Variants in PCDH15 observed in about 807,000 individuals in gnomAD.
PCDH15 encodes protocadherin related 15.
A neutral mutation model predicts 178.5 loss-of-function variants in PCDH15; 129 were observed. The ratio of observed to expected loss-of-function variants is 0.72; its 90% CI spans 0.63 to 0.84. The LOEUF is 0.84. PCDH15 is among the 40% of genes least tolerant of loss of function. The pLI, the probability that PCDH15 is intolerant of heterozygous loss-of-function variation, is 0.00. For synonymous variants in PCDH15, 800 were observed against 732.0 expected (o/e 1.09, Z -1.50); for missense variants, 2,230 against 2,099.9 (o/e 1.06, Z -1.21).
chr10:55,074,379 T>A (rs1480433116), intron 2 of PCDH15, among the ~76,000 whole-genome samples: 1 of 152,124 alleles, frequency 6.6e-6, no homozygotes, highest in African/African-American at 2.4e-5. Flanking sequence ...CATCAGTTGT[T>A]TCTTGAGCTT....
chr10:53,905,670 A>G lies in PCDH15; in HGVS notation c.3374-2300T>C, dbSNP rs570200184. 2.0e-5 allele frequency among the ~76,000 whole-genome samples: 3 copies of G among 152,092 alleles called. No individual in the cohort carries two copies. The South Asian group carries it at 6.2e-4, about 32-fold the overall frequency. ...TTAAAAATACCATGTGTATATTCAT[A>G]TCCATACTTATATGTATACTTTGTG... On this transcript the variant is annotated intron_variant, in intron 25 of 37. Transcript: ENST00000644397.
At chr10:55,081,370 C>T (rs1842038277) in intron 2 of PCDH15, among the ~76,000 whole-genome samples, 1 of 152,162 alleles carries the variant, frequency 6.6e-6, no homozygotes, top group Admixed American at 6.5e-5. Context: ...ATGCTAATCT[C>T]ATTTATGAAG....
intron 2 of PCDH15, among the ~76,000 whole-genome samples, chr10:55,002,193 G>T (rs1057505647): frequency 6.6e-6 from 1 of 152,048 alleles, no homozygotes; most frequent in African/African-American, 2.4e-5. Context: ...TTGTTTCGCT[G>T]CATAGTCTTA....
At chr10:55,461,720 C>A (rs926168596) in intron 2 of PCDH15, among the ~76,000 whole-genome samples, 5 of 151,866 alleles carry the variant, frequency 3.3e-5, no homozygotes, top group African/African-American at 4.8e-5. Flanking sequence ...TAATGATAAC[C>A]GAGGTTGTTA....
At chr10:55,196,680 G>T (rs1426945497) in intron 1 of PCDH15, among the ~76,000 whole-genome samples, 2 of 152,074 alleles carry the variant, frequency 1.3e-5, no homozygotes, top group South Asian at 2.1e-4. Flanking sequence ...TTCATTAATG[G>T]TAATCGCTTG....
intron 3 of PCDH15, among the ~76,000 whole-genome samples, chr10:54,503,436 G>C (rs887936505): frequency 6.6e-6 from 1 of 150,988 alleles, no homozygotes; most frequent in African/African-American, 2.4e-5. Flanking sequence ...GGTAGTTGCT[G>C]TGCTGAGCAA....
At chr10:53,821,799 T>TTCAACTTGAAGACTATGATCAACAAGAG (rs2076284631) in intron 32 of PCDH15, 1 of 1,602,228 alleles carries the variant, frequency 6.2e-7, no homozygotes, top group South Asian at 1.1e-5. Flanking sequence ...AAATTTGATG[T>TTCAACTTGAAGACTATGATCAACAAGAG]TCAACTTGAA....
At chr10:55,455,673 T>G (rs534384122) in intron 2 of PCDH15, among the ~76,000 whole-genome samples, 47 of 152,266 alleles carry the variant, frequency 3.1e-4, no homozygotes, top group Non-Finnish European at 4.7e-4. Flanking sequence ...ATACTCTAAT[T>G]CACTGAGCAT....
At chr10:54,404,069 T>C (rs7903240) in intron 3 of PCDH15, among the ~76,000 whole-genome samples, 132,627 of 151,966 alleles carry the variant, frequency 0.87, 57,988 homozygotes, top group East Asian at 0.98. Flanking sequence ...CAATGTTATT[T>C]CTATTAAACT....
intron 8 of PCDH15, among the ~76,000 whole-genome samples, chr10:54,281,757 G>T (rs1022193739): frequency 6.6e-6 from 1 of 151,974 alleles, no homozygotes; most frequent in Non-Finnish European, 1.5e-5. Context: ...ATCTATAAAA[G>T]AGACTAATAA....
At chr10:54,537,038 G>T (rs1488570087) in intron 2 of PCDH15, among the ~76,000 whole-genome samples, 3 of 115,438 alleles carry the variant, frequency 2.6e-5, no homozygotes, top group Non-Finnish European at 4.9e-5. Flanking sequence ...TCTCTCTCTC[G>T]CCCAGGCTGG....
chr10:54,273,929 T>C (rs1032458170), intron 8 of PCDH15, among the ~76,000 whole-genome samples: 5 of 152,090 alleles, frequency 3.3e-5, no homozygotes, highest in African/African-American at 1.2e-4. Flanking sequence ...ATATGGTATA[T>C]AAACATCATG....
intron 18 of PCDH15, among the ~76,000 whole-genome samples, chr10:54,027,050 C>T (rs57076694): frequency 0.1 from 14,754 of 143,624 alleles, 1,531 homozygotes; most frequent in African/African-American, 0.27. Context: ...CCCATTGTCT[C>T]AGCCCAAAAT....
chr10:54,442,297 A>G (rs2075835542), intron 3 of PCDH15, among the ~76,000 whole-genome samples: 1 of 149,278 alleles, frequency 6.7e-6, no homozygotes, highest in African/African-American at 2.5e-5. Context: ...CTTGGGGATA[A>G]ACCGTGGATT....
chr10:54,697,788 G>A lies in PCDH15; in HGVS notation c.-28-33498C>T, dbSNP rs1223637235. ...GGAAGGAAGAAAAGCAGGAAGGGAT[G>A]GAGGGAGAGTGAAAAAAAGAAAAAG... On this transcript the variant is annotated intron_variant, in intron 1 of 37. Coordinates refer to ENST00000644397, the MANE Select transcript of PCDH15 (RefSeq NM_001384140.1). Among the ~76,000 whole-genome samples, 5 of 151,136 alleles carry A rather than the reference G, an allele frequency of 3.3e-5. No homozygotes were observed. The Admixed American group carries it at 3.3e-4, about 10-fold the overall frequency.
chr10:54,021,260 G>A (rs187006598), intron 19 of PCDH15, among the ~76,000 whole-genome samples: 50 of 152,092 alleles, frequency 3.3e-4, no homozygotes, highest in Admixed American at 9.2e-4. Flanking sequence ...ACAGAAAACC[G>A]AATGGAGCAA....
chr10:53,996,143 A>AT (rs937161825), intron 20 of PCDH15, among the ~76,000 whole-genome samples: 12 of 152,002 alleles, frequency 7.9e-5, no homozygotes, highest in South Asian at 6.2e-4. Flanking sequence ...GGCGTAAAAG[A>AT]TTTTTTTTAA....
chr10:55,402,821 T>A (rs904206201), intron 2 of PCDH15, among the ~76,000 whole-genome samples: 6 of 151,934 alleles, frequency 3.9e-5, no homozygotes, highest in Non-Finnish European at 8.8e-5. Context: ...AGATTTCCTT[T>A]CTTTTGGATA....
At chr10:54,141,436 A>T (rs1392999159) in intron 14 of PCDH15, among the ~76,000 whole-genome samples, 1 of 152,244 alleles carries the variant, frequency 6.6e-6, no homozygotes, top group Non-Finnish European at 1.5e-5. Flanking sequence ...TTGGAAAAGT[A>T]GATGAGAATA....
Sources: allele counts gnomAD v4.1 joint callset (sites outside exome capture counted in the v4.1 genomes callset), GRCh38; gene constraint gnomAD v4.1.1; transcripts MANE v1.5; gene names NCBI Gene and HGNC (gene_info 2026-07-23, HGNC 2026-07-21).